MROH1: variants seen among roughly 807,000 people sequenced by gnomAD.
MROH1 encodes maestro heat-like repeat-containing protein family member 1.
Under a neutral mutation model 116.5 loss-of-function variants are expected in MROH1, and 117 were observed. That is an observed-to-expected ratio of 1.00 (90% CI 0.86 to 1.17). MROH1 has a LOEUF of 1.17. MROH1 is among the 50% of genes most tolerant of loss of function. The pLI is 0.00. For missense variants in MROH1, 1,873 were observed against 1,338.5 expected (o/e 1.40, Z -6.23); for synonymous variants, 921 against 583.9 (o/e 1.58, Z -8.32).
chr8:144,259,039 C>T (rs1364726236), intron 36 of MROH1, 125 bp downstream of exon 36: 4 of 642,996 alleles, frequency 6.2e-6, no homozygotes, highest in Non-Finnish European at 1.1e-5. Flanking sequence ...GGGCTCCTGC[C>T]TGTTCACTCT....
At chr8:144,199,268 G>A (rs1564456373) in intron 11 of MROH1, 68 bp downstream of exon 11, 3 of 1,478,110 alleles carry the variant, frequency 2.0e-6, no homozygotes, top group Non-Finnish European at 1.9e-6. Flanking sequence ...CCTGCTGTAT[G>A]TGGAGGATGG....
intron 12 of MROH1, among the ~76,000 whole-genome samples, chr8:144,207,758 TG>T (rs1200619621): frequency 1.3e-5 from 2 of 152,182 alleles, no homozygotes; most frequent in Non-Finnish European, 2.9e-5. Context: ...CATAAATATA[TG>T]TTTTTATGAT....
chr8:144,191,644 T>C, intron 8 of MROH1, 71 bp from the exon 9 acceptor site: 1 of 1,573,412 alleles, frequency 6.4e-7, no homozygotes, highest in Non-Finnish European at 8.6e-7. Context: ...TCACGGGTGC[T>C]TGCTGGACAT....
At chr8:144,185,742 G>A (rs1826915466) in intron 7 of MROH1, among the ~76,000 whole-genome samples, 1 of 91,122 alleles carries the variant, frequency 1.1e-5, no homozygotes, top group African/African-American at 5.5e-5. Context: ...GGTGAGGGGC[G>A]GCGCGGGGAC....
At chr8:144,225,090 G>GCT (rs1837541875) in intron 14 of MROH1, among the ~76,000 whole-genome samples, 3 of 151,958 alleles carry the variant, frequency 2.0e-5, no homozygotes, top group Admixed American at 2.0e-4. Context: ...CAAGGCTAGA[G>GCT]TGCAGTGGCA....
intron 33 of MROH1, 31 bp downstream of exon 33, chr8:144,250,397 C>T (rs1842654875): frequency 2.7e-6 from 2 of 742,246 alleles, no homozygotes; most frequent in Non-Finnish European, 4.9e-6. Flanking sequence ...GCTTAGGGGT[C>T]CCTCTGGAAT....
At position 144,182,558 on chromosome 8, in the gene MROH1, CCTT is replaced by C. The variant is rs1825967701; in HGVS notation, c.562+2038_562+2040del. On this transcript the variant is annotated intron_variant, in intron 7 of 43. Coordinates refer to ENST00000326134, the MANE Select transcript of MROH1 (RefSeq NM_032450.3). The surrounding 1 kb of genome is among the most constrained non-coding windows in gnomAD (Gnocchi z 4.1). ...AGCCACATTGAGAGAATAAAACTGA[CCTT>C]CTGTGAATTAAAGATGCCATAATAG... Among the ~76,000 whole-genome samples, 3 of 152,140 alleles carry C rather than the reference CCTT, an allele frequency of 2.0e-5. No individual in the cohort carries two copies. In the East Asian group the frequency reaches 5.8e-4, roughly 29 times the overall value.
chr8:144,193,075 C>T (rs1249067889), intron 10 of MROH1: 1 of 169,712 alleles, frequency 5.9e-6, no homozygotes, highest in Non-Finnish European at 1.3e-5. Context: ...TCACCTGGCC[C>T]ACTCCAGCTG....
At position 144,259,231 on chromosome 8, in the gene MROH1, C is replaced by T. The variant is rs1196587303; in HGVS notation, c.3930-9C>T. The T allele has an allele frequency of 1.4e-6, 1 of 712,872 alleles. No individual in the cohort carries two copies. Among genetic ancestry groups the T allele is most frequent in the Non-Finnish European group, 2.6e-6 (1 of 384,844 alleles). The allele number at this position is 712,872 out of a possible 1,614,324, so 44.2% of individuals were successfully genotyped here. A position where few individuals can be genotyped will look rare whatever the true frequency, so the allele number is the denominator to read the frequency against. ...CAGCCCCTGCACCCTCAGCGGCCCC[C>T]TTTCCCAGGGCCATGGCTGAGCACG... On this transcript the variant is annotated splice_polypyrimidine_tract_variant and intron_variant, in intron 36 of 43. Coordinates refer to ENST00000326134, the MANE Select transcript of MROH1 (RefSeq NM_032450.3).
At chr8:144,148,413 C>A (rs1184052811) in intron 1 of MROH1, among the ~76,000 whole-genome samples, 1 of 152,082 alleles carries the variant, frequency 6.6e-6, no homozygotes, top group South Asian at 2.1e-4. Context: ...GCCCGGTGGT[C>A]CCCGGTGCCC....
chr8:144,154,777 G>A (rs976986977), intron 1 of MROH1, among the ~76,000 whole-genome samples: 10 of 147,068 alleles, frequency 6.8e-5, no homozygotes, highest in African/African-American at 2.3e-4. Context: ...AAGCAATTCT[G>A]CCTCAGCCTC....
chr8:144,208,600 C>T (rs916976663), intron 12 of MROH1, among the ~76,000 whole-genome samples: 1 of 152,012 alleles, frequency 6.6e-6, no homozygotes, highest in Non-Finnish European at 1.5e-5. Flanking sequence ...GGTCACATTC[C>T]GAGGTACAGG....
chr8:144,248,362 A>T lies in MROH1; in HGVS notation c.3121-515A>T, dbSNP rs1016841793. Among the ~76,000 whole-genome samples, 3 of 149,120 alleles carry T rather than the reference A, an allele frequency of 2.0e-5. No homozygotes were observed. The South Asian group carries it at 6.2e-4, about 31-fold the overall frequency. On this transcript the variant is annotated intron_variant, in intron 31 of 43. Coordinates refer to ENST00000326134, the MANE Select transcript of MROH1 (RefSeq NM_032450.3). ...AAGCTGCCCCTCCCTCCGTGCTCTCATGTGGGTCCCCAAGCTGGAACACGG... is the reference window on the plus strand; with the variant it reads ...AAGCTGCCCCTCCCTCCGTGCTCTCTTGTGGGTCCCCAAGCTGGAACACGG...
chr8:144,243,839 G>C (rs2132983565), intron 25 of MROH1, 24 bp from the exon 26 acceptor site: 1 of 774,112 alleles, frequency 1.3e-6, no homozygotes, highest in Non-Finnish European at 2.4e-6. Context: ...TCCAAGGGCT[G>C]AGTCATGCAC....
At chr8:144,238,677 C>T (rs1840453405) in intron 14 of MROH1, 79 bp from the exon 15 acceptor site, 1 of 734,848 alleles carries the variant, frequency 1.4e-6, no homozygotes, top group Non-Finnish European at 2.5e-6. Flanking sequence ...CAGGGTCTGC[C>T]CCGCTTCCGG....
chr8:144,222,013 G>A (rs1836854301), intron 13 of MROH1, among the ~76,000 whole-genome samples: 1 of 124,322 alleles, frequency 8.0e-6, no homozygotes, highest in African/African-American at 2.5e-5. Context: ...TACTGGGCGA[G>A]GCTGGACATG....
chr8:144,154,310 C>T (rs992346432), intron 1 of MROH1, among the ~76,000 whole-genome samples: 2 of 152,104 alleles, frequency 1.3e-5, no homozygotes, highest in Non-Finnish European at 2.9e-5. Context: ...TCAAGTGATC[C>T]GCAGCTATAG....
chr8:144,205,215 A>G (rs1014788313), intron 12 of MROH1, among the ~76,000 whole-genome samples: 1 of 152,206 alleles, frequency 6.6e-6, no homozygotes, highest in Admixed American at 6.5e-5. Context: ...TTCAATGAAA[A>G]TATTGGAACA....
chr8:144,209,905 CA>C (rs35823965), intron 12 of MROH1, among the ~76,000 whole-genome samples: 7,115 of 109,724 alleles, frequency 0.065, 221 homozygotes, highest in African/African-American at 0.15. Flanking sequence ...GACCCTGTCT[CA>C]AAAAAAAAAA....
Sources: allele counts gnomAD v4.1 joint callset (sites outside exome capture counted in the v4.1 genomes callset), GRCh38; gene constraint gnomAD v4.1.1; non-coding constraint Gnocchi (gnomAD v3.1); transcripts MANE v1.5; gene names NCBI Gene and HGNC (gene_info 2026-07-23, HGNC 2026-07-21).